Variants in LRRC4C observed in about 807,000 individuals in gnomAD.
The protein encoded by LRRC4C is leucine rich repeat containing 4C.
A neutral mutation model predicts 33.6 loss-of-function variants in LRRC4C; 5 were observed. The ratio of observed to expected loss-of-function variants is 0.15; its 90% CI spans 0.08 to 0.31. The LOEUF (loss-of-function observed/expected upper bound fraction) is 0.31. LRRC4C is among the 10% of genes least tolerant of loss of function. LRRC4C has a pLI of 1.00. For missense variants in LRRC4C, 560 were observed against 796.7 expected, an observed-to-expected ratio of 0.70 and a Z score of 3.58; for synonymous variants, 329 against 302.0, an observed-to-expected ratio of 1.09 and a Z score of -0.93.
At chr11:40,931,912 T>A (rs1254946867) in intron 2 of LRRC4C, among the ~76,000 whole-genome samples, 1 of 152,100 alleles carries the variant, frequency 6.6e-6, no homozygotes. Flanking sequence ...AGAGGATCGA[T>A]CCTTCAGTAC....
chr11:41,293,692 G>A (rs1003697648), intron 1 of LRRC4C, among the ~76,000 whole-genome samples: 4 of 151,894 alleles, frequency 2.6e-5, no homozygotes. Context: ...CTGCCTCCTG[G>A]GTTCAAGTGA....
intron 3 of LRRC4C, among the ~76,000 whole-genome samples, chr11:40,342,061 T>A (rs965176848): frequency 2.6e-5 from 4 of 151,930 alleles, no homozygotes; most frequent in Non-Finnish European, 4.4e-5. Flanking sequence ...TGTAGCCAAG[T>A]CATATGGTTG....
chr11:40,557,679 CGTGTGT>C (rs35856491), intron 3 of LRRC4C, among the ~76,000 whole-genome samples: 1,599 of 149,356 alleles, frequency 0.011, 35 homozygotes, highest in African/African-American at 0.037. Flanking sequence ...TCTATAGAGG[CGTGTGT>C]GTGTGTGTGT....
At chr11:40,498,649 G>C (rs544016130) in intron 3 of LRRC4C, among the ~76,000 whole-genome samples, 7 of 152,180 alleles carry the variant, frequency 4.6e-5, no homozygotes, top group Non-Finnish European at 1.0e-4. Context: ...TAGCAATGTT[G>C]TGGTGAGAAT....
chr11:40,893,014 T>A (rs1277194698), intron 2 of LRRC4C, among the ~76,000 whole-genome samples: 1 of 152,168 alleles, frequency 6.6e-6, no homozygotes, highest in East Asian at 1.9e-4. Flanking sequence ...TATGTGTTTT[T>A]TTTCTAAGAA....
chr11:41,449,219 G>C (rs573388433), intron 1 of LRRC4C, among the ~76,000 whole-genome samples: 1 of 152,280 alleles, frequency 6.6e-6, no homozygotes, highest in African/African-American at 2.4e-5. Context: ...GAAAAGGTTT[G>C]AAGACATCGT....
intron 2 of LRRC4C, among the ~76,000 whole-genome samples, chr11:40,695,751 C>T (rs1945470145): frequency 6.6e-6 from 1 of 151,988 alleles, no homozygotes; most frequent in African/African-American, 2.4e-5. Context: ...TCACTCTGAC[C>T]CCATCATTAC....
intron 2 of LRRC4C, among the ~76,000 whole-genome samples, chr11:40,855,383 C>T (rs1027835370): frequency 6.6e-6 from 1 of 152,080 alleles, no homozygotes; most frequent in Non-Finnish European, 1.5e-5. Flanking sequence ...AAACAGTAAC[C>T]GAAAGGGCAT....
intron 3 of LRRC4C, among the ~76,000 whole-genome samples, chr11:40,421,476 G>A (rs1011010144): frequency 2.0e-5 from 3 of 152,168 alleles, no homozygotes; most frequent in African/African-American, 4.8e-5. Flanking sequence ...CATTTGTAAT[G>A]ACAGGCACAG....
chr11:40,900,082 T>G (rs552524470), intron 2 of LRRC4C, among the ~76,000 whole-genome samples: 64 of 152,292 alleles, frequency 4.2e-4, no homozygotes, highest in Non-Finnish European at 7.9e-4. Flanking sequence ...TTGTTTTATT[T>G]TTTTATATGA....
intron 2 of LRRC4C, among the ~76,000 whole-genome samples, chr11:40,895,749 C>A (rs952489556): frequency 3.3e-5 from 5 of 152,106 alleles, no homozygotes; most frequent in Admixed American, 6.6e-5. Context: ...GTTAAAATTA[C>A]ACTAAATTGC....
chr11:40,328,475 C>A (rs1946199136), intron 3 of LRRC4C, among the ~76,000 whole-genome samples: 1 of 152,050 alleles, frequency 6.6e-6, no homozygotes, highest in South Asian at 2.1e-4. Flanking sequence ...TTGCCTTTAG[C>A]TGTTGGAGAC....
At chr11:41,170,446 T>C (rs1321974534) in intron 1 of LRRC4C, among the ~76,000 whole-genome samples, 1 of 152,036 alleles carries the variant, frequency 6.6e-6, no homozygotes, top group Non-Finnish European at 1.5e-5. Flanking sequence ...TCAGAAATAA[T>C]GCCACATATC....
intron 3 of LRRC4C, among the ~76,000 whole-genome samples, chr11:40,455,006 C>A (rs1158945941): frequency 6.6e-6 from 1 of 151,904 alleles, no homozygotes; most frequent in Non-Finnish European, 1.5e-5. Flanking sequence ...CAGAAATAGC[C>A]CAAAGCCTTG....
chr11:40,850,517 C>T (rs1454837327), intron 2 of LRRC4C, among the ~76,000 whole-genome samples: 1 of 152,152 alleles, frequency 6.6e-6, no homozygotes, highest in South Asian at 2.1e-4. Context: ...AAGCTTCCTC[C>T]CAGAGGGGCA....
chr11:41,246,915 T>C (rs1948473300), intron 1 of LRRC4C, among the ~76,000 whole-genome samples: 1 of 152,216 alleles, frequency 6.6e-6, no homozygotes, highest in Non-Finnish European at 1.5e-5. Flanking sequence ...AGAAACACCT[T>C]TTCAGAAAGT....
chr11:40,357,509 C>T (rs2137134997), intron 3 of LRRC4C, among the ~76,000 whole-genome samples: 1 of 152,212 alleles, frequency 6.6e-6, no homozygotes, highest in South Asian at 2.1e-4. Context: ...AGAGACGGTG[C>T]AGGAAACAGA....
At position 40,708,644 on chromosome 11, in the gene LRRC4C, A is replaced by T. The variant is rs185123256; in HGVS notation, c.-406-60366T>A. ...TGCTTTACTTCCAACTATGTGGTCA[A>T]TTTTGGAACAAGTGCAATGTGGTGC... On this transcript the variant is annotated intron_variant, in intron 2 of 6. Coordinates refer to ENST00000528697, the MANE Select transcript of LRRC4C (RefSeq NM_001258419.2). 7.4e-3 allele frequency among the ~76,000 whole-genome samples: 1,124 copies of T among 152,274 alleles called. 21 individuals are homozygous for T. The highest frequency in any genetic ancestry group is 0.026 in the African/African-American group (1,090 of 41,552).
Position 41,181,703 on chromosome 11 carries a change from C to T in LRRC4C, c.-495-247980G>A, listed in dbSNP as rs376746826. 2.0e-5 allele frequency among the ~76,000 whole-genome samples: 3 copies of T among 152,182 alleles called. No homozygotes were observed. The East Asian group carries it at 5.8e-4, about 29-fold the overall frequency. On this transcript the variant is annotated intron_variant, in intron 1 of 6. Transcript: ENST00000528697. ...CAGCAGCTCAGTTTGAGCCTTGACT[C>T]ACAAATGAGCTACAGCAATCTCATC...
Sources: gnomAD v4.1 joint callset for allele counts (sites outside exome capture counted in the v4.1 genomes callset) on GRCh38, gnomAD v4.1.1 for gene constraint, MANE v1.5 for transcripts, NCBI Gene and HGNC (gene_info 2026-07-23, HGNC 2026-07-21) for gene names.